Variants in GALNT17 observed in about 807,000 individuals in gnomAD.
GALNT17 encodes the protein UDP-GalNAc:polypeptide N-acetylgalactosaminyltransferase-like 3.
Under a neutral mutation model 63.7 loss-of-function variants are expected in GALNT17, and 29 were observed. The observed-to-expected ratio is 0.46, with a 90% CI of 0.34 to 0.62. The LOEUF is 0.62. GALNT17 is among the 20% of genes least tolerant of loss of function. GALNT17 has a pLI of 0.01. For missense variants in GALNT17, 603 were observed against 799.6 expected (o/e 0.75, Z 2.97); for synonymous variants, 305 against 318.3 (o/e 0.96, Z 0.45).
chr7:71,142,941 CAAAAAAA>C (rs58537746), intron 1 of GALNT17, among the ~76,000 whole-genome samples: 1 of 123,328 alleles, frequency 8.1e-6, no homozygotes, highest in African/African-American at 3.0e-5. Flanking sequence ...ACTCTTGTCT[CAAAAAAA>C]AAAAAAAAAA....
intron 6 of GALNT17, among the ~76,000 whole-genome samples, chr7:71,599,838 T>G (rs977744182): frequency 2.6e-5 from 4 of 152,122 alleles, no homozygotes; most frequent in Non-Finnish European, 4.4e-5. Flanking sequence ...CGATAATAAT[T>G]GCACTATTGC....
chr7:71,420,850 G>C (rs1418081365), intron 4 of GALNT17, 58 bp from the exon 5 acceptor site: 1 of 1,589,026 alleles, frequency 6.3e-7, no homozygotes, highest in African/African-American at 1.3e-5. Context: ...GTGTGGTCTT[G>C]GGAGGTGTGC....
chr7:71,219,819 G>A (rs967323706), intron 1 of GALNT17, among the ~76,000 whole-genome samples: 1 of 152,092 alleles, frequency 6.6e-6, no homozygotes, highest in Admixed American at 6.5e-5. Flanking sequence ...TTGTTCTTTT[G>A]TATTTATGAG....
intron 5 of GALNT17, among the ~76,000 whole-genome samples, chr7:71,434,884 G>A (rs769464301): frequency 7.2e-5 from 11 of 152,132 alleles, no homozygotes; most frequent in Non-Finnish European, 1.3e-4. Context: ...GAGATAGATG[G>A]TAAAAAACAA....
chr7:71,158,336 TG>T, intron 1 of GALNT17, among the ~76,000 whole-genome samples: 1 of 151,694 alleles, frequency 6.6e-6, no homozygotes, highest in East Asian at 1.9e-4. Context: ...GTAGTGTCAC[TG>T]GCTGTGCCGC....
At chr7:71,197,085 A>G (rs1789064789) in intron 1 of GALNT17, among the ~76,000 whole-genome samples, 2 of 151,914 alleles carry the variant, frequency 1.3e-5, no homozygotes, top group African/African-American at 4.8e-5. Flanking sequence ...TGGGGTATCC[A>G]TCCTCTCGAG....
intron 6 of GALNT17, among the ~76,000 whole-genome samples, chr7:71,582,064 A>T (rs994247126): frequency 1.4e-4 from 21 of 152,162 alleles, no homozygotes; most frequent in Non-Finnish European, 2.9e-5. Flanking sequence ...GGGAATGTAA[A>T]CTAGAACAAT....
intron 5 of GALNT17, among the ~76,000 whole-genome samples, chr7:71,484,849 A>T: frequency 8.5e-6 from 1 of 117,510 alleles, no homozygotes; most frequent in East Asian, 2.8e-4. Flanking sequence ...CTCAGGCTGG[A>T]GTGCAATGGT....
intron 6 of GALNT17, among the ~76,000 whole-genome samples, chr7:71,612,668 A>G (rs1036004837): frequency 1.1e-4 from 16 of 152,336 alleles, no homozygotes; most frequent in Admixed American, 4.6e-4. Context: ...GTAACAAAAG[A>G]CAAGGGAACC....
At chr7:71,547,585 C>G (rs1789007391) in intron 5 of GALNT17, among the ~76,000 whole-genome samples, 1 of 152,108 alleles carries the variant, frequency 6.6e-6, no homozygotes, top group African/African-American at 2.4e-5. Context: ...CCGCACCCAG[C>G]CTTAAATTCT....
intron 1 of GALNT17, among the ~76,000 whole-genome samples, chr7:71,222,637 A>G (rs1789608178): frequency 6.6e-6 from 1 of 152,048 alleles, no homozygotes; most frequent in South Asian, 2.1e-4. Flanking sequence ...TGTTTTGTGG[A>G]ATGTTTCTTC....
At chr7:71,263,904 A>G (rs1790439836) in intron 1 of GALNT17, among the ~76,000 whole-genome samples, 1 of 152,178 alleles carries the variant, frequency 6.6e-6, no homozygotes, top group African/African-American at 2.4e-5. Context: ...AGCCTGGGCG[A>G]TAGAGCGACA....
rs1422264957 is a variant in GALNT17, at chr7:71,148,854, GTATTTTTATATA to G, written c.238+15818_238+15829del. ...TTTGATGAAATACAGTAGTATTATG[GTATTTTTATATA>G]TATATATATATATATATATATATAT... On this transcript the variant is annotated intron_variant, in intron 1 of 10. Coordinates refer to ENST00000333538, the MANE Select transcript of GALNT17 (RefSeq NM_022479.3). Among the ~76,000 whole-genome samples the G allele has an allele frequency of 2.6e-4, 24 of 94,044 alleles. 1 individual carries two copies. Among genetic ancestry groups the G allele is most frequent in the African/African-American group, 7.5e-4 (16 of 21,476 alleles). 61.7% of individuals were successfully genotyped at this position (94,044 alleles called of 152,430 possible). A position where few individuals can be genotyped will look rare whatever the true frequency, so the allele number is the denominator to read the frequency against.
At chr7:71,300,886 C>T (rs943098629) in intron 1 of GALNT17, 1 of 153,158 alleles carries the variant, frequency 6.5e-6, no homozygotes, top group Non-Finnish European at 1.5e-5. Flanking sequence ...ATTCTGAGGG[C>T]CTTGGAAGCT....
At chr7:71,163,649 G>A (rs1033868219) in intron 1 of GALNT17, among the ~76,000 whole-genome samples, 19 of 152,138 alleles carry the variant, frequency 1.2e-4, no homozygotes, top group Non-Finnish European at 8.8e-5. Context: ...ATTTGTTTGC[G>A]ATGAAGAGAG....
intron 5 of GALNT17, among the ~76,000 whole-genome samples, chr7:71,553,747 T>C (rs947903030): frequency 5.6e-4 from 85 of 152,358 alleles, no homozygotes; most frequent in African/African-American, 2.0e-3. Context: ...AGAAAACTAA[T>C]CTTTTTGTTT....
At chr7:71,444,877 A>G in intron 5 of GALNT17, among the ~76,000 whole-genome samples, 1 of 152,180 alleles carries the variant, frequency 6.6e-6, no homozygotes. Context: ...ACTGGAGTTC[A>G]TTTGCCTGAG....
chr7:71,615,801 C>T (rs1245559597), intron 6 of GALNT17, among the ~76,000 whole-genome samples: 1 of 152,092 alleles, frequency 6.6e-6, no homozygotes, highest in Non-Finnish European at 1.5e-5. Flanking sequence ...TTACTTTTTA[C>T]TCTGCATCAA....
At chr7:71,567,569 A>C (rs1789370168) in intron 5 of GALNT17, among the ~76,000 whole-genome samples, 1 of 152,164 alleles carries the variant, frequency 6.6e-6, no homozygotes. Flanking sequence ...GGTTCAAGCG[A>C]TTCTCCTGCC....
Sources: gnomAD v4.1 joint callset for allele counts (sites outside exome capture counted in the v4.1 genomes callset) on GRCh38, gnomAD v4.1.1 for gene constraint, MANE v1.5 for transcripts, NCBI Gene and HGNC (gene_info 2026-07-23, HGNC 2026-07-21) for gene names.